SUGCT: variants seen among roughly 807,000 people sequenced by gnomAD.
SUGCT encodes succinyl-CoA:glutarate CoA-transferase.
In SUGCT, 41 loss-of-function variants were observed where a neutral mutation model predicts 55.0. That is an observed-to-expected ratio of 0.74 (90% CI 0.58 to 0.97). The LOEUF (loss-of-function observed/expected upper bound fraction) is 0.97, where lower values mean the gene tolerates loss of function less well. Ranked by LOEUF, SUGCT falls within the 50% of genes least tolerant of loss-of-function variation. The probability of loss-of-function intolerance (pLI) is 0.00; values close to 1 mark genes in which losing one functional copy is unlikely to be tolerated. For synonymous variants in SUGCT, 187 were observed against 200.4 expected (o/e 0.93, Z 0.56); for missense variants, 568 against 547.8 (o/e 1.04, Z -0.37).
chr7:40,774,080 A>T (rs899275410), intron 13 of SUGCT, among the ~76,000 whole-genome samples: 2 of 152,082 alleles, frequency 1.3e-5, no homozygotes, highest in African/African-American at 4.8e-5. Flanking sequence ...ATTCAACCCA[A>T]AGCTTTCCTT....
At chr7:40,414,173 T>C (rs1343104242) in intron 9 of SUGCT, among the ~76,000 whole-genome samples, 1 of 152,238 alleles carries the variant, frequency 6.6e-6, no homozygotes, top group Non-Finnish European at 1.5e-5. Flanking sequence ...AGTCCCCACT[T>C]ATCTGCAGTT....
chr7:40,797,328 T>A (rs1311391896), intron 13 of SUGCT, among the ~76,000 whole-genome samples: 5 of 152,328 alleles, frequency 3.3e-5, no homozygotes, highest in African/African-American at 1.2e-4. Context: ...CTGTTTTTTT[T>A]AATTTGGAAA....
At chr7:40,899,103 C>T in the SUGCT span, among the ~76,000 whole-genome samples, 1 of 152,102 alleles carries the variant, frequency 6.6e-6, no homozygotes, top group African/African-American at 2.4e-5. Context: ...AGTGGGAGAA[C>T]CTCTGATAGG....
At chr7:40,192,630 C>CTTTTTTTT (rs748789860) in intron 5 of SUGCT, among the ~76,000 whole-genome samples, 6 of 134,804 alleles carry the variant, frequency 4.5e-5, no homozygotes, top group Admixed American at 7.4e-5. Flanking sequence ...TTCTTTCTTT[C>CTTTTTTTT]TTTTTTTTTT....
At chr7:40,343,559 G>A (rs1391214370) in intron 9 of SUGCT, among the ~76,000 whole-genome samples, 1 of 151,562 alleles carries the variant, frequency 6.6e-6, no homozygotes. Context: ...TCCTTTGGCC[G>A]ATCTCCAAAC....
chr7:40,334,986 C>T (rs565733608), intron 9 of SUGCT, among the ~76,000 whole-genome samples: 2 of 152,250 alleles, frequency 1.3e-5, no homozygotes, highest in East Asian at 3.9e-4. Flanking sequence ...GCCGGTTTTC[C>T]CAGCACCATT....
intron 12 of SUGCT, among the ~76,000 whole-genome samples, chr7:40,587,989 G>A (rs1430045548): frequency 1.4e-5 from 2 of 144,706 alleles, no homozygotes; most frequent in South Asian, 2.3e-4. Context: ...GGCAACCTCC[G>A]CCTCCCAGGC....
chr7:40,935,238 T>C, the SUGCT span, among the ~76,000 whole-genome samples: 1 of 152,260 alleles, frequency 6.6e-6, no homozygotes, highest in Non-Finnish European at 1.5e-5. Context: ...TCTAATTTTT[T>C]AAAATTGATA....
intron 12 of SUGCT, among the ~76,000 whole-genome samples, chr7:40,534,683 T>A (rs1335579020): frequency 2.0e-5 from 3 of 152,230 alleles, no homozygotes; most frequent in Non-Finnish European, 4.4e-5. Context: ...CCTCCCAAAG[T>A]GCTGAGATTA....
chr7:40,618,646 T>A (rs142905371), intron 12 of SUGCT, among the ~76,000 whole-genome samples: 207 of 152,308 alleles, frequency 1.4e-3, no homozygotes, highest in African/African-American at 4.8e-3. Flanking sequence ...ATTTTTGGAG[T>A]TCACATGATT....
chr7:40,740,774 C>G (rs547090748), intron 12 of SUGCT, among the ~76,000 whole-genome samples: 1 of 151,798 alleles, frequency 6.6e-6, no homozygotes, highest in African/African-American at 2.4e-5. Flanking sequence ...AGGATAATAT[C>G]TTTAACACTT....
chr7:40,490,882 A>T (rs896362960), intron 11 of SUGCT, among the ~76,000 whole-genome samples: 1 of 152,128 alleles, frequency 6.6e-6, no homozygotes, highest in Non-Finnish European at 1.5e-5. Flanking sequence ...GAATTTAGGG[A>T]CTGGTCTCAA....
At chr7:41,026,062 C>T in the SUGCT span, among the ~76,000 whole-genome samples, 2 of 152,346 alleles carry the variant, frequency 1.3e-5, no homozygotes, top group East Asian at 1.9e-4. Flanking sequence ...GGTGTGCAAA[C>T]GCAGGTCTAT....
chr7:40,339,288 A>G (rs942504274), intron 9 of SUGCT, among the ~76,000 whole-genome samples: 10 of 152,316 alleles, frequency 6.6e-5, no homozygotes, highest in African/African-American at 2.4e-4. Context: ...AGACAGGGAC[A>G]TTTAAGTCTG....
In SUGCT at chr7:40,324,261, A is replaced by ATATATATATATATATATATATATT. The variant is rs377215730; in HGVS notation, c.816+7409_816+7410insATATATATATATATATATATTTAT. Among the ~76,000 whole-genome samples, 916 of 99,394 alleles carry ATATATATATATATATATATATATT rather than the reference A, an allele frequency of 9.2e-3. 17 individuals carry two copies. Among genetic ancestry groups the ATATATATATATATATATATATATT allele is most frequent in the Middle Eastern group, 0.023 (4 of 176 alleles). The allele number at this position is 99,394 out of a possible 152,430, so 65.2% of individuals were successfully genotyped here. ...AATAAATAAATAAATAAATATATATATATTTATTTTTTGAGACAGAGTCTT... is the reference window on the plus strand; with the variant it reads ...AATAAATAAATAAATAAATATATATATATATATATATATATATATATATTTATTTATTTTTTGAGACAGAGTCTT... On this transcript the variant is annotated intron_variant, in intron 9 of 13. Transcript: ENST00000335693.
In SUGCT at chr7:40,352,559, C is replaced by T. The variant is rs181841603; in HGVS notation, c.816+35704C>T. Among the ~76,000 whole-genome samples, 138 of 152,140 alleles carry T rather than the reference C, an allele frequency of 9.1e-4. 1 individual carries two copies. The highest frequency in any genetic ancestry group is 1.5e-3 in the African/African-American group (61 of 41,490). On this transcript the variant is annotated intron_variant, in intron 9 of 13. Coordinates refer to ENST00000335693, the MANE Select transcript of SUGCT (RefSeq NM_001193313.2). Reference sequence around the variant, plus strand: ...CTCCCACATGTAAGTAAGAACATGGCGGTGTTTGGTTTTCTCTTTCTGTGT... The same window carrying T: ...CTCCCACATGTAAGTAAGAACATGGTGGTGTTTGGTTTTCTCTTTCTGTGT...
intron 11 of SUGCT, among the ~76,000 whole-genome samples, chr7:40,461,532 C>T (rs1789800307): frequency 6.6e-6 from 1 of 152,170 alleles, no homozygotes; most frequent in African/African-American, 2.4e-5. Flanking sequence ...TTCTAGAAGC[C>T]TCTGTTCCCA....
chr7:41,033,919 G>T, the SUGCT span, among the ~76,000 whole-genome samples: 151 of 152,096 alleles, frequency 9.9e-4, no homozygotes, highest in Non-Finnish European at 1.7e-3. Flanking sequence ...GTAGGTGAGG[G>T]ATATGGAAAA....
chr7:40,492,850 A>G (rs1280616994), intron 11 of SUGCT, among the ~76,000 whole-genome samples: 2 of 152,124 alleles, frequency 1.3e-5, no homozygotes, highest in Admixed American at 6.6e-5. Flanking sequence ...ATCTATTTTC[A>G]TAGCTGTGTT....
Sources: allele counts gnomAD v4.1 joint callset (sites outside exome capture counted in the v4.1 genomes callset), GRCh38; gene constraint gnomAD v4.1.1; transcripts MANE v1.5; gene names NCBI Gene and HGNC (gene_info 2026-07-23, HGNC 2026-07-21).